SH3GL3: variants seen among roughly 807,000 people sequenced by gnomAD.
SH3GL3 encodes the protein SH3 domain containing GRB2 like 3, endophilin A3, also known as endophilin-A3.
In SH3GL3, 33 loss-of-function variants were observed where a neutral mutation model predicts 47.7. That is an observed-to-expected ratio of 0.69 (90% CI 0.52 to 0.92). SH3GL3 has a LOEUF of 0.92. Ranked by LOEUF, SH3GL3 falls within the 40% of genes least tolerant of loss-of-function variation. The probability of loss-of-function intolerance (pLI) is 0.00; values close to 1 mark genes in which losing one functional copy is unlikely to be tolerated. For missense variants in SH3GL3, 363 were observed against 417.8 expected (o/e 0.87, Z 1.14); for synonymous variants, 155 against 148.8 (o/e 1.04, Z -0.30).
intron 4 of SH3GL3, among the ~76,000 whole-genome samples, chr15:83,570,487 C>G (rs1335991382): frequency 6.6e-6 from 1 of 151,920 alleles, no homozygotes; most frequent in African/African-American, 2.4e-5. Flanking sequence ...TTTTATTTTT[C>G]CAGGTGAAAC....
chr15:83,515,646 A>G lies in SH3GL3; in HGVS notation c.46-43607A>G, dbSNP rs541068125. On this transcript the variant is annotated intron_variant, in intron 1 of 8. Coordinates refer to ENST00000427482, the MANE Select transcript of SH3GL3 (RefSeq NM_003027.5). Reference sequence around the variant, plus strand: ...GTATTGACTTAAATTTAGTTTTATTATATTGCTACTTAAATCTGTATAAAC... The same window carrying G: ...GTATTGACTTAAATTTAGTTTTATTGTATTGCTACTTAAATCTGTATAAAC... Among the ~76,000 whole-genome samples the G allele has an allele frequency of 8.5e-5, 13 of 152,300 alleles. No homozygotes were observed. In the South Asian group the frequency reaches 2.3e-3, roughly 27 times the overall value.
chr15:83,479,059 C>G (rs1228543297), intron 1 of SH3GL3, among the ~76,000 whole-genome samples: 4 of 152,164 alleles, frequency 2.6e-5, no homozygotes, highest in Non-Finnish European at 2.9e-5. Context: ...CCTCTCTACC[C>G]CTCCATGATA....
intron 1 of SH3GL3, among the ~76,000 whole-genome samples, chr15:83,477,861 G>A (rs990314535): frequency 6.6e-6 from 1 of 152,088 alleles, no homozygotes; most frequent in African/African-American, 2.4e-5. Flanking sequence ...TCAGAAGACC[G>A]CATAGATTTT....
chr15:83,609,231 C>T (rs752617240), intron 8 of SH3GL3: 16 of 455,838 alleles, frequency 3.5e-5, no homozygotes, highest in South Asian at 1.9e-4. Flanking sequence ...CACAATGCAG[C>T]GCTGTTAATG....
chr15:83,487,463 G>C (rs2041655578), intron 1 of SH3GL3, among the ~76,000 whole-genome samples: 1 of 151,892 alleles, frequency 6.6e-6, no homozygotes, highest in Non-Finnish European at 1.5e-5. Flanking sequence ...GGACTATTTT[G>C]GGGGAATGTG....
chr15:83,477,866 G>T (rs1179206553), intron 1 of SH3GL3, among the ~76,000 whole-genome samples: 1 of 152,158 alleles, frequency 6.6e-6, no homozygotes, highest in Non-Finnish European at 1.5e-5. Context: ...AGACCGCATA[G>T]ATTTTGCGGG....
chr15:83,552,661 T>C (rs1395982410), intron 1 of SH3GL3, among the ~76,000 whole-genome samples: 1 of 152,206 alleles, frequency 6.6e-6, no homozygotes, highest in Non-Finnish European at 1.5e-5. Flanking sequence ...AATATACATT[T>C]TTTAAATTTA....
chr15:83,585,742 G>T (rs1168575498), intron 6 of SH3GL3, among the ~76,000 whole-genome samples: 1 of 152,168 alleles, frequency 6.6e-6, no homozygotes, highest in Non-Finnish European at 1.5e-5. Context: ...ACAGAGCATG[G>T]TAAAGTAAAT....
chr15:83,577,407 C>T (rs2059711600), intron 6 of SH3GL3, among the ~76,000 whole-genome samples: 1 of 151,982 alleles, frequency 6.6e-6, no homozygotes, highest in African/African-American at 2.4e-5. Flanking sequence ...CCCTGACTCA[C>T]ATCTTTTTTT....
chr15:83,522,253 G>A (rs2043237716), intron 1 of SH3GL3, among the ~76,000 whole-genome samples: 2 of 152,154 alleles, frequency 1.3e-5, no homozygotes, highest in South Asian at 4.1e-4. Context: ...AAAGTTAGAG[G>A]AGCCAGCAGA....
chr15:83,483,986 G>C (rs902069272), intron 1 of SH3GL3, among the ~76,000 whole-genome samples: 18 of 152,326 alleles, frequency 1.2e-4, no homozygotes, highest in African/African-American at 4.1e-4. Flanking sequence ...AAAGAACTGA[G>C]ATCTGTGTTT....
At chr15:83,589,082 G>A (rs1014822007) in intron 8 of SH3GL3, among the ~76,000 whole-genome samples, 4 of 151,658 alleles carry the variant, frequency 2.6e-5, no homozygotes, top group Non-Finnish European at 5.9e-5. Context: ...GCATTTTTGA[G>A]CAACTGCTAT....
At chr15:83,520,936 A>C (rs1003422932) in intron 1 of SH3GL3, among the ~76,000 whole-genome samples, 1 of 152,212 alleles carries the variant, frequency 6.6e-6, no homozygotes, top group Non-Finnish European at 1.5e-5. Context: ...ATATGCAATA[A>C]AAATTAAGCA....
At chr15:83,559,065 A>C (rs989721213) in intron 1 of SH3GL3, among the ~76,000 whole-genome samples, 188 bp from the exon 2 acceptor site, 19 of 152,214 alleles carry the variant, frequency 1.2e-4, no homozygotes, top group African/African-American at 4.1e-4. Flanking sequence ...TGTTGACTGC[A>C]TGAGAAATGT....
Position 83,538,896 on chromosome 15 carries a change from T to C in SH3GL3, c.46-20357T>C, listed in dbSNP as rs118053421. 9.2e-3 allele frequency among the ~76,000 whole-genome samples: 1,404 copies of C among 152,322 alleles called. 14 individuals are homozygous for C. Among genetic ancestry groups the C allele is most frequent in the Non-Finnish European group, 0.013 (910 of 68,028 alleles). On this transcript the variant is annotated intron_variant, in intron 1 of 8. Transcript: ENST00000427482. ...AGCAGAATTGCTGAGTCATAGGGTA[T>C]GGTTATTTTTATGTTCAGCTTTAGT...
At chr15:83,625,233 CT>C in the SH3GL3 span, among the ~76,000 whole-genome samples, 1 of 152,226 alleles carries the variant, frequency 6.6e-6, no homozygotes, top group African/African-American at 2.4e-5. Context: ...CCTACTAACA[CT>C]GTAAGTCAGG....
At chr15:83,458,587 C>T (rs2040115716) in intron 1 of SH3GL3, among the ~76,000 whole-genome samples, 1 of 152,210 alleles carries the variant, frequency 6.6e-6, no homozygotes, top group South Asian at 2.1e-4. Flanking sequence ...CAAATCTTCT[C>T]ATCCTTGTCC....
At chr15:83,499,782 G>T (rs577323509) in intron 1 of SH3GL3, among the ~76,000 whole-genome samples, 2,022 of 152,180 alleles carry the variant, frequency 0.013, 43 homozygotes, top group African/African-American at 0.045. Context: ...CCTGAGTAAA[G>T]TATATAAAAT....
At chr15:83,531,386 G>T (rs2043664471) in intron 1 of SH3GL3, among the ~76,000 whole-genome samples, 1 of 152,166 alleles carries the variant, frequency 6.6e-6, no homozygotes, top group African/African-American at 2.4e-5. Flanking sequence ...AGGCTGTGTA[G>T]GAGTTAGCTA....
Sources: allele counts gnomAD v4.1 joint callset (sites outside exome capture counted in the v4.1 genomes callset), GRCh38; gene constraint gnomAD v4.1.1; transcripts MANE v1.5; gene names NCBI Gene and HGNC (gene_info 2026-07-23, HGNC 2026-07-21).